The following NKAIN2 variants were observed in gnomAD, a reference collection of about 807,000 sequenced individuals.
NKAIN2 encodes sodium/potassium transporting ATPase interacting 2, also known as sodium/potassium-transporting ATPase subunit beta-1-interacting protein 2.
NKAIN2 carries 14 observed loss-of-function variants against 32.6 expected under a neutral mutation model. The ratio of observed to expected loss-of-function variants is 0.43; its 90% CI spans 0.28 to 0.67. NKAIN2 has a LOEUF of 0.67. NKAIN2 is among the 30% of genes least tolerant of loss of function. The pLI is 0.17. For synonymous variants in NKAIN2, 80 were observed against 87.2 expected (o/e 0.92, Z 0.46); for missense variants, 198 against 258.3 (o/e 0.77, Z 1.60).
At chr6:124,274,770 G>A (rs1036221196) in intron 1 of NKAIN2, among the ~76,000 whole-genome samples, 10 of 151,420 alleles carry the variant, frequency 6.6e-5, no homozygotes, top group Admixed American at 3.9e-4. Context: ...CACAGAATGC[G>A]GACACACTAT....
intron 1 of NKAIN2, among the ~76,000 whole-genome samples, chr6:124,085,241 G>T (rs1374301846): frequency 6.6e-6 from 1 of 151,994 alleles, no homozygotes; most frequent in African/African-American, 2.4e-5. Flanking sequence ...CTACTGAATT[G>T]AAATACCATA....
At chr6:124,101,941 A>T (rs1407455430) in intron 1 of NKAIN2, among the ~76,000 whole-genome samples, 1 of 152,186 alleles carries the variant, frequency 6.6e-6, no homozygotes, top group African/African-American at 2.4e-5. Flanking sequence ...ACTTCCTGGG[A>T]TCCCAATTCC....
intron 2 of NKAIN2, among the ~76,000 whole-genome samples, chr6:124,326,643 G>C (rs929216380): frequency 7.2e-5 from 11 of 151,982 alleles, no homozygotes; most frequent in Admixed American, 5.2e-4. Flanking sequence ...GCTCATTTTT[G>C]TTTTACTTCT....
intron 3 of NKAIN2, among the ~76,000 whole-genome samples, chr6:124,527,992 C>T (rs1009410440): frequency 2.0e-5 from 3 of 152,268 alleles, no homozygotes; most frequent in Non-Finnish European, 4.4e-5. Flanking sequence ...ACTCAGGAAC[C>T]AGCAGATGAT....
chr6:123,861,076 C>T (rs528481872), intron 1 of NKAIN2, among the ~76,000 whole-genome samples: 134 of 152,322 alleles, frequency 8.8e-4, no homozygotes, highest in Middle Eastern at 3.4e-3. Flanking sequence ...AATCTGTGTT[C>T]TTCCTATACC....
intron 1 of NKAIN2, among the ~76,000 whole-genome samples, chr6:123,846,843 C>T (rs1006456844): frequency 5.6e-5 from 4 of 71,300 alleles, no homozygotes; most frequent in African/African-American, 8.0e-5. Context: ...CACGCACGCG[C>T]GCACACACAC....
intron 1 of NKAIN2, among the ~76,000 whole-genome samples, chr6:124,105,113 G>A (rs899291574): frequency 2.0e-5 from 3 of 152,204 alleles, no homozygotes; most frequent in African/African-American, 7.2e-5. Context: ...GGATGATATA[G>A]CCGTGTGTGG....
chr6:124,100,941 T>TAATTCA (rs1369913547), intron 1 of NKAIN2, among the ~76,000 whole-genome samples: 2 of 152,210 alleles, frequency 1.3e-5, no homozygotes, highest in Non-Finnish European at 2.9e-5. Context: ...GACAATTTTA[T>TAATTCA]GTCTGAGTGA....
intron 4 of NKAIN2, among the ~76,000 whole-genome samples, chr6:124,679,974 T>TGTAA (rs769370126): frequency 6.6e-6 from 1 of 152,148 alleles, no homozygotes; most frequent in East Asian, 1.9e-4. Flanking sequence ...CAGAAACCAC[T>TGTAA]GTAAGTGTCT....
chr6:124,298,995 C>T (rs1796181034), intron 2 of NKAIN2, among the ~76,000 whole-genome samples: 1 of 152,204 alleles, frequency 6.6e-6, no homozygotes, highest in East Asian at 1.9e-4. Context: ...AATGACTAAG[C>T]ATTTTAATCC....
chr6:123,820,785 C>T (rs1773890143), intron 1 of NKAIN2, among the ~76,000 whole-genome samples: 1 of 152,148 alleles, frequency 6.6e-6, no homozygotes, highest in African/African-American at 2.4e-5. Context: ...TGCTATTTAG[C>T]CGTACCCCTC....
intron 4 of NKAIN2, among the ~76,000 whole-genome samples, chr6:124,712,624 T>C (rs1271948847): frequency 6.7e-6 from 1 of 150,216 alleles, no homozygotes; most frequent in African/African-American, 2.5e-5. Context: ...GAAAGGGAAC[T>C]CCCTGACCCC....
intron 1 of NKAIN2, among the ~76,000 whole-genome samples, chr6:124,034,542 C>G (rs1221069551): frequency 1.3e-5 from 2 of 151,972 alleles, no homozygotes; most frequent in African/African-American, 4.8e-5. Flanking sequence ...TAGGTTGATT[C>G]CATGTCTTTG....
At chr6:123,932,177 G>A (rs1159732154) in intron 1 of NKAIN2, among the ~76,000 whole-genome samples, 2 of 152,002 alleles carry the variant, frequency 1.3e-5, no homozygotes, top group Non-Finnish European at 1.5e-5. Context: ...CCTAAGCTTT[G>A]GTAAGTGATT....
At chr6:124,561,755 T>C (rs1428013676) in intron 3 of NKAIN2, among the ~76,000 whole-genome samples, 2 of 152,212 alleles carry the variant, frequency 1.3e-5, no homozygotes, top group South Asian at 2.1e-4. Flanking sequence ...ACCAGCCTTA[T>C]ACTGTGTTCG....
At chr6:124,535,565 G>C (rs1480382467) in intron 3 of NKAIN2, among the ~76,000 whole-genome samples, 1 of 152,174 alleles carries the variant, frequency 6.6e-6, no homozygotes, top group African/African-American at 2.4e-5. Context: ...AAATTACAGT[G>C]CATGAATTGC....
chr6:123,878,212 G>A (rs944264838), intron 1 of NKAIN2, among the ~76,000 whole-genome samples: 6 of 132,396 alleles, frequency 4.5e-5, no homozygotes, highest in Non-Finnish European at 1.6e-5. Context: ...GACTACAAGA[G>A]TGAAACTCCA....
intron 3 of NKAIN2, among the ~76,000 whole-genome samples, chr6:124,470,688 T>G (rs2114671652): frequency 6.6e-6 from 1 of 152,188 alleles, no homozygotes; most frequent in African/African-American, 2.4e-5. Context: ...CTTTAAAAGA[T>G]AATAAAGGTG....
At chr6:124,347,556 A>G (rs1798492145) in intron 2 of NKAIN2, among the ~76,000 whole-genome samples, 1 of 151,608 alleles carries the variant, frequency 6.6e-6, no homozygotes, top group Non-Finnish European at 1.5e-5. Flanking sequence ...TTTTCTCTAA[A>G]CTTCCCTTCT....
Sources: allele counts gnomAD v4.1 joint callset (sites outside exome capture counted in the v4.1 genomes callset), GRCh38; gene constraint gnomAD v4.1.1; transcripts MANE v1.5; gene names NCBI Gene and HGNC (gene_info 2026-07-23, HGNC 2026-07-21).